The following WWP2 variants were observed in gnomAD, a reference collection of about 807,000 sequenced individuals.
WWP2 encodes the protein NEDD4-like E3 ubiquitin-protein ligase WWP2.
Under a neutral mutation model 121.0 loss-of-function variants are expected in WWP2, and 57 were observed. That is an observed-to-expected ratio of 0.47 (90% CI 0.38 to 0.59). The LOEUF is 0.59. Among genes scored for constraint, WWP2 ranks in the 20% least tolerant of loss-of-function variants. The pLI, the probability that WWP2 is intolerant of heterozygous loss-of-function variation, is 0.00. For missense variants in WWP2, 962 were observed against 1,158.9 expected, an observed-to-expected ratio of 0.83 and a Z score of 2.47; for synonymous variants, 449 against 441.3, an observed-to-expected ratio of 1.02 and a Z score of -0.22.
intron 1 of WWP2, among the ~76,000 whole-genome samples, chr16:69,771,752 A>G (rs1283853120): frequency 6.6e-6 from 1 of 151,942 alleles, no homozygotes; most frequent in African/African-American, 2.4e-5. Context: ...ATGTTTGTTG[A>G]CATTTAGGTG....
chr16:69,840,281 C>T lies in WWP2; in HGVS notation c.478+18C>T. On this transcript the variant is annotated intron_variant, in intron 5 of 23. Transcript: ENST00000359154. ...GACAGATGGTGAGTGCCGCCCTGCTCCTCAGGACTGTGCCGGGACAGGGTG... is the reference window on the plus strand; with the variant it reads ...GACAGATGGTGAGTGCCGCCCTGCTTCTCAGGACTGTGCCGGGACAGGGTG... 2 of 1,613,656 alleles carry T rather than the reference C, an allele frequency of 1.2e-6. No individual in the cohort carries two copies. Among genetic ancestry groups the T allele is most frequent in the Non-Finnish European group, 1.7e-6 (2 of 1,179,930 alleles).
At chr16:69,903,994 G>A (rs2058248477) in intron 8 of WWP2, among the ~76,000 whole-genome samples, 1 of 152,236 alleles carries the variant, frequency 6.6e-6, no homozygotes, top group Non-Finnish European at 1.5e-5. Context: ...TTCTTCGGGA[G>A]TGCTGGAGAG....
intron 4 of WWP2, chr16:69,838,825 A>C (rs2056923435): frequency 1.0e-6 from 1 of 985,504 alleles, no homozygotes; most frequent in South Asian, 4.7e-5. Context: ...AATTGGAGAG[A>C]TCCATGGCAG....
rs974018352 is a variant in WWP2 at position 69,935,695 on chromosome 16, T to C, written c.1843-158T>C. 5.3e-5 allele frequency among the ~76,000 whole-genome samples: 8 copies of C among 152,216 alleles called. No homozygotes were observed. Among genetic ancestry groups the C allele is most frequent in the African/African-American group, 1.9e-4 (8 of 41,462 alleles). On this transcript the variant is annotated intron_variant, in intron 17 of 23. Transcript: ENST00000359154. This position sits in a 1 kb window ranked among gnomAD's most constrained non-coding sequence, Gnocchi z 5.2. ...TCAGGATAAAGGCGTTGTTTACTCC[T>C]GAGGCCCTCCCGCTGCGTCCGAGGC...
chr16:69,872,072 A>G lies in WWP2; in HGVS notation c.703+141A>G, dbSNP rs915539304. The G allele has an allele frequency of 8.3e-6, 11 of 1,325,642 alleles. No individual in the cohort carries two copies. The East Asian group carries it at 2.3e-4, about 28-fold the overall frequency. The allele number at this position is 1,325,642 out of a possible 1,614,324, so 82.1% of individuals were successfully genotyped here. A position where few individuals can be genotyped will look rare whatever the true frequency, so the allele number is the denominator to read the frequency against. On this transcript the variant is annotated intron_variant, in intron 7 of 23. Coordinates refer to ENST00000359154, the MANE Select transcript of WWP2 (RefSeq NM_001270454.2). ...CTAGGACTAAACTGGATTTGAATCC[A>G]TCAGTCTTTCTACTGACCCATCTTC...
rs1222437757 is a variant in WWP2 at position 69,802,687 on chromosome 16, G to T, written c.340+3392G>T. ...GCGATCTCGGCTCACTGCAACCCCT[G>T]TCTCCTGGGTTCAAGTGATTCTCCT... is the stretch of plus-strand genomic sequence containing the variant. On this transcript the variant is annotated intron_variant, in intron 4 of 23. Transcript: ENST00000359154. Among the ~76,000 whole-genome samples, 3 of 150,814 alleles carry T rather than the reference G, an allele frequency of 2.0e-5. No individual in the cohort carries two copies. The East Asian group carries it at 5.9e-4, about 30-fold the overall frequency.
chr16:69,808,996 T>C (rs982561237), intron 4 of WWP2, among the ~76,000 whole-genome samples: 1 of 152,236 alleles, frequency 6.6e-6, no homozygotes, highest in African/African-American at 2.4e-5. Context: ...TTTACTGTGC[T>C]CTGATCGTTT....
chr16:69,805,111 C>A lies in WWP2; in HGVS notation c.340+5816C>A, dbSNP rs184939145. On this transcript the variant is annotated intron_variant, in intron 4 of 23. Coordinates refer to ENST00000359154, the MANE Select transcript of WWP2 (RefSeq NM_001270454.2). ...CTGGAGTACAGTGGCATGATCTTGGCTCACTGCAATCTCCACCTCCTGGGT... is the reference window on the plus strand; with the variant it reads ...CTGGAGTACAGTGGCATGATCTTGGATCACTGCAATCTCCACCTCCTGGGT... Among the ~76,000 whole-genome samples the A allele has an allele frequency of 7.9e-5, 12 of 151,608 alleles. No homozygotes were observed. The East Asian group carries it at 2.3e-3, about 30-fold the overall frequency.
At position 69,918,245 on chromosome 16, in the gene WWP2, C is replaced by T. The variant is rs1597158675; in HGVS notation, c.1179+362C>T. 2.0e-5 allele frequency among the ~76,000 whole-genome samples: 3 copies of T among 152,056 alleles called. No homozygotes were observed. In the South Asian group the frequency reaches 6.2e-4, roughly 32 times the overall value. ...CCTCACCTTTCCAGATGAAAGCAAT[C>T]ACCAGGCAACATAGTGAGACCCTGT... On this transcript the variant is annotated intron_variant, in intron 10 of 23. Transcript: ENST00000359154.
intron 7 of WWP2, among the ~76,000 whole-genome samples, 165 bp from the exon 8 acceptor site, chr16:69,887,874 G>A (rs1455381188): frequency 6.6e-6 from 1 of 152,142 alleles, no homozygotes; most frequent in Non-Finnish European, 1.5e-5. Context: ...TTAATGACTT[G>A]CTGTACTTTT....
intron 17 of WWP2, among the ~76,000 whole-genome samples, chr16:69,934,707 A>G (rs1408752529): frequency 6.6e-6 from 1 of 150,442 alleles, no homozygotes; most frequent in Admixed American, 6.6e-5. Flanking sequence ...TCTGTGGCCC[A>G]GAGACCCTGG....
chr16:69,789,518 G>A (rs1369368870), intron 2 of WWP2, among the ~76,000 whole-genome samples: 3 of 152,124 alleles, frequency 2.0e-5, no homozygotes, highest in Non-Finnish European at 1.5e-5. Context: ...GTGAGCCACC[G>A]TGCCCAGCCT....
chr16:69,770,551 A>T (rs28477934), intron 1 of WWP2, among the ~76,000 whole-genome samples: 50 of 152,298 alleles, frequency 3.3e-4, no homozygotes, highest in Middle Eastern at 3.4e-3. Context: ...AAATCAGTAA[A>T]TGCAAATAAA....
intron 2 of WWP2, 39 bp downstream of exon 2, chr16:69,787,119 C>T (rs1395256479): frequency 1.3e-6 from 2 of 1,568,550 alleles, no homozygotes; most frequent in Admixed American, 3.7e-5. Context: ...TTGTCTACGC[C>T]CAGGGAAGAG....
At chr16:69,831,947 G>GC (rs1048076951) in intron 4 of WWP2, among the ~76,000 whole-genome samples, 2 of 148,292 alleles carry the variant, frequency 1.3e-5, no homozygotes, top group Non-Finnish European at 3.0e-5. Context: ...TTCCGCCTCA[G>GC]CCCCCCAAGT....
chr16:69,873,163 CG>C (rs1451985194), intron 7 of WWP2, among the ~76,000 whole-genome samples: 6 of 152,196 alleles, frequency 3.9e-5, no homozygotes, highest in Non-Finnish European at 7.3e-5. Context: ...TGGCTTTTCA[CG>C]GAAGTGTTGT....
At chr16:69,820,861 G>A (rs544162759) in intron 4 of WWP2, among the ~76,000 whole-genome samples, 20 of 145,526 alleles carry the variant, frequency 1.4e-4, no homozygotes, top group Admixed American at 9.4e-4. Context: ...CACACACGAC[G>A]TTGAAAGAGT....
At chr16:69,904,862 G>T (rs1364812344) in intron 8 of WWP2, among the ~76,000 whole-genome samples, 4 of 152,186 alleles carry the variant, frequency 2.6e-5, no homozygotes, top group Non-Finnish European at 5.9e-5. Flanking sequence ...GCTATTTAAT[G>T]GTGTTTGTCA....
At chr16:69,869,112 T>A (rs1199343002) in intron 6 of WWP2, among the ~76,000 whole-genome samples, 1 of 152,164 alleles carries the variant, frequency 6.6e-6, no homozygotes, top group Non-Finnish European at 1.5e-5. Flanking sequence ...GGTCTCGAAC[T>A]CCTGACCTCA....
Sources: allele counts gnomAD v4.1 joint callset (sites outside exome capture counted in the v4.1 genomes callset), GRCh38; gene constraint gnomAD v4.1.1; non-coding constraint Gnocchi (gnomAD v3.1); transcripts MANE v1.5; gene names NCBI Gene and HGNC (gene_info 2026-07-23, HGNC 2026-07-21).